NFIX: variants seen among roughly 807,000 people sequenced by gnomAD.
The protein encoded by NFIX is nuclear factor I X.
Under a neutral mutation model 53.3 loss-of-function variants are expected in NFIX, and 2 were observed. The ratio of observed to expected loss-of-function variants is 0.04; its 90% confidence interval spans 0.02 to 0.12. The LOEUF (loss-of-function observed/expected upper bound fraction) is 0.12. NFIX is among the 10% of genes least tolerant of loss of function. The pLI is 1.00. For missense variants in NFIX, 310 were observed against 674.5 expected (o/e 0.46, Z 5.99); for synonymous variants, 244 against 289.0 (o/e 0.84, Z 1.58).
At chr19:13,031,011 G>A (rs2013760585) in intron 2 of NFIX, among the ~76,000 whole-genome samples, 1 of 152,228 alleles carries the variant, frequency 6.6e-6, no homozygotes, top group East Asian at 1.9e-4. Flanking sequence ...TCTGGGTGAT[G>A]TGGAATAATG....
intron 2 of NFIX, among the ~76,000 whole-genome samples, chr19:13,026,033 C>T (rs541961695): frequency 6.7e-4 from 102 of 152,114 alleles, no homozygotes; most frequent in African/African-American, 2.4e-3. Flanking sequence ...GGCAGGAGTC[C>T]GGTGGAGAGA....
rs569781194 is a variant in NFIX, at chr19:13,060,628, G to A, written c.560-12419G>A. Among the ~76,000 whole-genome samples, 1 of 152,228 alleles carries A rather than the reference G, an allele frequency of 6.6e-6. No individual in the cohort carries two copies. The highest frequency in any genetic ancestry group is 2.4e-5 in the African/African-American group (1 of 41,458). On this transcript the variant is annotated intron_variant, in intron 2 of 10. Coordinates refer to ENST00000592199, the MANE Select transcript of NFIX (RefSeq NM_001365902.3). The surrounding 1 kb of genome is among the most constrained non-coding windows in gnomAD (Gnocchi z 4.3). ...TGACCCTTGGTGCCTGGCAAGGCGG[G>A]GGGGTAGGGAGCAGCCCTCGCACAG... is the stretch of plus-strand genomic sequence containing the variant.
chr19:13,052,909 C>T lies in NFIX; in HGVS notation c.560-20138C>T, dbSNP rs1045140310. Among the ~76,000 whole-genome samples, 1 of 152,240 alleles carries T rather than the reference C, an allele frequency of 6.6e-6. No homozygotes were observed. The highest frequency in any genetic ancestry group is 1.5e-5 in the Non-Finnish European group (1 of 68,044). ...TGTGTCTTCCCATGTTCCCTTCGTC[C>T]TGTTCACAGGGAGGTGGAAATCCAG... On this transcript the variant is annotated intron_variant, in intron 2 of 10. Coordinates refer to ENST00000592199, the MANE Select transcript of NFIX (RefSeq NM_001365902.3). This position sits in a 1 kb window ranked among gnomAD's most constrained non-coding sequence, Gnocchi z 5.2.
At position 13,051,924 on chromosome 19, in the gene NFIX, C is replaced by T. The variant is rs2015353258; in HGVS notation, c.560-21123C>T. Among the ~76,000 whole-genome samples the T allele has an allele frequency of 6.6e-6, 1 of 152,216 alleles. No individual in the cohort carries two copies. The highest frequency in any genetic ancestry group is 2.1e-4 in the South Asian group (1 of 4,832). On this transcript the variant is annotated intron_variant, in intron 2 of 10. Coordinates refer to ENST00000592199, the MANE Select transcript of NFIX (RefSeq NM_001365902.3). The surrounding 1 kb of genome is among the most constrained non-coding windows in gnomAD (Gnocchi z 5.1). ...CTTCTTAGGCGCCGCCTCCTCCTCACAGCGCCCGCCTTCTCCGCTCCGGCT... is the reference window on the plus strand; with the variant it reads ...CTTCTTAGGCGCCGCCTCCTCCTCATAGCGCCCGCCTTCTCCGCTCCGGCT...
rs1156806070 is a variant in NFIX at position 13,012,435 on chromosome 19, T to G, written c.28-12586T>G. Among the ~76,000 whole-genome samples, 4 of 152,028 alleles carry G rather than the reference T, an allele frequency of 2.6e-5. No individual in the cohort carries two copies. The highest frequency in any genetic ancestry group is 2.1e-4 in the South Asian group (1 of 4,810). ...CTCTTGCCGGGGCGCGGCCTGCCCC[T>G]CACAGTGACCCCCCCGACCCACCCC... On this transcript the variant is annotated intron_variant, in intron 1 of 10. Transcript: ENST00000592199. The surrounding 1 kb of genome is among the most constrained non-coding windows in gnomAD (Gnocchi z 5.0).
intron 2 of NFIX, among the ~76,000 whole-genome samples, chr19:13,041,578 C>T (rs369094721): frequency 4.6e-5 from 7 of 152,090 alleles, no homozygotes; most frequent in South Asian, 2.1e-4. Context: ...AGGCAGATCA[C>T]GAGATCAGGA....
intron 1 of NFIX, among the ~76,000 whole-genome samples, chr19:13,015,731 A>G (rs779069317): frequency 3.9e-5 from 6 of 152,000 alleles, no homozygotes; most frequent in Admixed American, 1.3e-4. Flanking sequence ...AGTCTGCTAA[A>G]CCCGCTGCAC....
At chr19:13,007,866 C>T (rs1280569138) in intron 1 of NFIX, among the ~76,000 whole-genome samples, 3 of 152,178 alleles carry the variant, frequency 2.0e-5, no homozygotes, top group South Asian at 2.1e-4. Flanking sequence ...GACACACTTT[C>T]GGTGGGGGGG....
In NFIX at chr19:13,090,254, C is replaced by G; in HGVS notation, c.1403-45C>G. The G allele has an allele frequency of 2.5e-6, 4 of 1,593,308 alleles. No homozygotes were observed. Among genetic ancestry groups the G allele is most frequent in the Non-Finnish European group, 3.4e-6 (4 of 1,161,348 alleles). On this transcript the variant is annotated intron_variant, in intron 9 of 10. Transcript: ENST00000592199. This position sits in a 1 kb window ranked among gnomAD's most constrained non-coding sequence, Gnocchi z 6.6. The stretch of plus-strand genomic sequence containing the variant: ...CCGAGGGGCAGTGCCCAGGTGGGCC[C>G]CAAGGCCTGACAGGGTCTCTCCCTC...
chr19:13,032,254 G>A (rs1428792033), intron 2 of NFIX, among the ~76,000 whole-genome samples: 2 of 152,210 alleles, frequency 1.3e-5, no homozygotes, highest in Non-Finnish European at 2.9e-5. Flanking sequence ...TTGAACGGCA[G>A]CCTTCTGAAG....
Position 13,081,959 on chromosome 19 carries a change from T to C in NFIX, c.1254+104T>C. 1 of 1,395,600 alleles carries C rather than the reference T, an allele frequency of 7.2e-7. No homozygotes were observed. The highest frequency in any genetic ancestry group is 9.8e-7 in the Non-Finnish European group (1 of 1,015,562). The allele number at this position is 1,395,600 out of a possible 1,614,324, so 86.5% of individuals were successfully genotyped here. On this transcript the variant is annotated intron_variant, in intron 8 of 10. Transcript: ENST00000592199. This position sits in a 1 kb window ranked among gnomAD's most constrained non-coding sequence, Gnocchi z 4.7. Reference sequence around the variant, plus strand: ...AGGGCCCAAAAGCCAGGAGCCCACCTGGGGCTGGAGCAGCAGGGAGCTGGT... The same window carrying C: ...AGGGCCCAAAAGCCAGGAGCCCACCCGGGGCTGGAGCAGCAGGGAGCTGGT...
rs556337110 is a variant in NFIX at position 12,998,827 on chromosome 19, C to T, written c.27+2963C>T. Reference sequence around the variant, plus strand: ...CACACGCACCTCTTGAAATGGGACACGTATATTGGTGTAGGCTTAGCGACA... The same window carrying T: ...CACACGCACCTCTTGAAATGGGACATGTATATTGGTGTAGGCTTAGCGACA... On this transcript the variant is annotated intron_variant, in intron 1 of 10. Transcript: ENST00000592199. This position sits in a 1 kb window ranked among gnomAD's most constrained non-coding sequence, Gnocchi z 4.4. 7.2e-5 allele frequency among the ~76,000 whole-genome samples: 11 copies of T among 152,234 alleles called. No individual in the cohort carries two copies. The Middle Eastern group carries it at 0.014, about 188-fold the overall frequency.
chr19:13,039,245 CGT>C (rs1555698318), intron 2 of NFIX, among the ~76,000 whole-genome samples: 22 of 148,430 alleles, frequency 1.5e-4, no homozygotes, highest in Non-Finnish European at 1.8e-4. Context: ...CACACATACA[CGT>C]GTGTGTGTGT....
rs886127443 is a variant in NFIX, at chr19:13,021,701, G to A, written c.28-3320G>A. ...ATCTATTTCCTTCTTACTGTGTTTC[G>A]AAGGCCTCAAGCATGGCTGCTCCAT... On this transcript the variant is annotated intron_variant, in intron 1 of 10. Transcript: ENST00000592199. This position sits in a 1 kb window ranked among gnomAD's most constrained non-coding sequence, Gnocchi z 4.2. Among the ~76,000 whole-genome samples the A allele has an allele frequency of 9.2e-5, 14 of 151,776 alleles. No individual in the cohort carries two copies. The highest frequency in any genetic ancestry group is 3.3e-4 in the Admixed American group (5 of 15,212).
chr19:13,031,157 T>C (rs1165149301), intron 2 of NFIX, among the ~76,000 whole-genome samples: 2 of 152,332 alleles, frequency 1.3e-5, no homozygotes, highest in Non-Finnish European at 2.9e-5. Context: ...CTTTTGTTCA[T>C]AGTGCTGTCC....
chr19:13,044,929 G>A (rs913988447), intron 2 of NFIX, among the ~76,000 whole-genome samples: 1 of 152,136 alleles, frequency 6.6e-6, no homozygotes, highest in Non-Finnish European at 1.5e-5. Context: ...AAGGAGATCT[G>A]GGACAAGAGG....
In NFIX at chr19:13,066,234, G is replaced by A. The variant is rs551029201; in HGVS notation, c.560-6813G>A. On this transcript the variant is annotated intron_variant, in intron 2 of 10. Coordinates refer to ENST00000592199, the MANE Select transcript of NFIX (RefSeq NM_001365902.3). This position sits in a 1 kb window ranked among gnomAD's most constrained non-coding sequence, Gnocchi z 4.2. Reference sequence around the variant, plus strand: ...CCTGGCACTTGCTCCAGGGGCACCCGTAGAGGCCGGGATGTGTTGGAATGG... The same window carrying A: ...CCTGGCACTTGCTCCAGGGGCACCCATAGAGGCCGGGATGTGTTGGAATGG... 1.3e-4 allele frequency among the ~76,000 whole-genome samples: 20 copies of A among 152,290 alleles called. No homozygotes were observed. The South Asian group carries it at 3.5e-3, about 27-fold the overall frequency.
chr19:13,004,812 G>A (rs1039432848), intron 1 of NFIX, among the ~76,000 whole-genome samples: 1 of 150,046 alleles, frequency 6.7e-6, no homozygotes, highest in Non-Finnish European at 1.5e-5. Context: ...TGGGGACAAA[G>A]CTAGGTTCTT....
At chr19:13,087,652 C>A (rs1356108436) in intron 8 of NFIX, among the ~76,000 whole-genome samples, 1 of 151,768 alleles carries the variant, frequency 6.6e-6, no homozygotes, top group Non-Finnish European at 1.5e-5. Context: ...TGTGAGAGTT[C>A]TAGGTACAGC....
Sources: gnomAD v4.1 joint callset for allele counts (sites outside exome capture counted in the v4.1 genomes callset) on GRCh38, gnomAD v4.1.1 for gene constraint, Gnocchi (gnomAD v3.1) non-coding constraint, MANE v1.5 for transcripts, NCBI Gene and HGNC (gene_info 2026-07-23, HGNC 2026-07-21) for gene names.